FHIT: variants seen among roughly 807,000 people sequenced by gnomAD.
FHIT encodes the protein bis(5'-adenosyl)-triphosphatase.
FHIT carries 19 observed loss-of-function variants against 17.9 expected under a neutral mutation model. That is an observed-to-expected ratio of 1.06 (90% confidence interval 0.74 to 1.56). FHIT has a LOEUF of 1.56. FHIT is among the 40% of genes most tolerant of loss of function. FHIT has a pLI of 0.00. For missense variants in FHIT, 248 were observed against 189.2 expected (o/e 1.31, Z -1.82); for synonymous variants, 81 against 69.7 (o/e 1.16, Z -0.81).
intron 5 of FHIT, among the ~76,000 whole-genome samples, chr3:60,410,073 C>T (rs1031858718): frequency 2.0e-5 from 3 of 152,018 alleles, no homozygotes; most frequent in African/African-American, 7.2e-5. Flanking sequence ...CAGGATAATT[C>T]AGAATACTAA....
At chr3:59,949,785 C>A (rs1242943084) in intron 7 of FHIT, among the ~76,000 whole-genome samples, 1 of 152,234 alleles carries the variant, frequency 6.6e-6, no homozygotes, top group African/African-American at 2.4e-5. Flanking sequence ...ATTCAATACA[C>A]AGGCAATTGT....
chr3:59,840,390 C>G (rs978992226), intron 8 of FHIT, among the ~76,000 whole-genome samples: 168 of 40,446 alleles, frequency 4.2e-3, no homozygotes, highest in African/African-American at 7.5e-3. Context: ...GATTATCCCC[C>G]TTTAAAAAAA....
chr3:60,101,905 C>G (rs1704206061), intron 5 of FHIT, among the ~76,000 whole-genome samples: 1 of 152,132 alleles, frequency 6.6e-6, no homozygotes, highest in African/African-American at 2.4e-5. Context: ...AATTTTATAC[C>G]AGCTGTTGCC....
At chr3:59,932,631 C>G (rs1706029623) in intron 7 of FHIT, among the ~76,000 whole-genome samples, 1 of 152,112 alleles carries the variant, frequency 6.6e-6, no homozygotes, top group Admixed American at 6.6e-5. Flanking sequence ...AAAGTAATCA[C>G]AATCAATTAA....
intron 4 of FHIT, among the ~76,000 whole-genome samples, chr3:60,780,328 G>A (rs1179494306): frequency 2.0e-5 from 3 of 152,118 alleles, no homozygotes; most frequent in Admixed American, 6.5e-5. Context: ...ACTAGAAAGA[G>A]TTGGTTTCCC....
chr3:60,957,233 CTTT>C (rs35221092), intron 3 of FHIT, among the ~76,000 whole-genome samples: 28 of 97,142 alleles, frequency 2.9e-4, no homozygotes, highest in African/African-American at 9.5e-4. Context: ...TTCTTTCTTT[CTTT>C]TTTTTTTTTT....
chr3:61,209,631 C>T (rs2039386999), intron 1 of FHIT, among the ~76,000 whole-genome samples: 2 of 152,158 alleles, frequency 1.3e-5, no homozygotes, highest in African/African-American at 2.4e-5. Flanking sequence ...GCGTTCGTCA[C>T]GTGGTTCTCG....
chr3:60,273,333 G>T (rs563741735), intron 5 of FHIT, among the ~76,000 whole-genome samples: 31 of 152,174 alleles, frequency 2.0e-4, no homozygotes, highest in Non-Finnish European at 2.8e-4. Context: ...CCTCAGCCAG[G>T]CATGGTGGCT....
chr3:60,380,565 C>T (rs1387166673), intron 5 of FHIT, among the ~76,000 whole-genome samples: 1 of 151,998 alleles, frequency 6.6e-6, no homozygotes, highest in Non-Finnish European at 1.5e-5. Context: ...GGTTGTACAA[C>T]CTTATGGGAA....
At chr3:60,360,488 TTGACTC>T (rs1020000188) in intron 5 of FHIT, among the ~76,000 whole-genome samples, 2 of 152,164 alleles carry the variant, frequency 1.3e-5, no homozygotes, top group African/African-American at 4.8e-5. Flanking sequence ...ATGCAAGTCT[TTGACTC>T]TGAGAGCCCT....
intron 8 of FHIT, among the ~76,000 whole-genome samples, chr3:59,884,338 G>C (rs112102930): frequency 0.015 from 2,325 of 152,070 alleles, 26 homozygotes; most frequent in Admixed American, 0.026. Flanking sequence ...AGGGTATGTG[G>C]ATATATGTTT....
chr3:60,438,836 G>T (rs532822085), intron 5 of FHIT, among the ~76,000 whole-genome samples: 3 of 152,024 alleles, frequency 2.0e-5, no homozygotes, highest in Non-Finnish European at 2.9e-5. Context: ...CACCAAAATT[G>T]CCTAGACTAC....
intron 4 of FHIT, among the ~76,000 whole-genome samples, chr3:60,668,930 TAGCAGGAAAA>T (rs2040445636): frequency 6.6e-6 from 1 of 152,126 alleles, no homozygotes; most frequent in Non-Finnish European, 1.5e-5. Flanking sequence ...TAGTTGTTCT[TAGCAGGAAAA>T]AGCAGGGGAA....
chr3:60,141,649 T>A (rs1441507467), intron 5 of FHIT, among the ~76,000 whole-genome samples: 1 of 152,176 alleles, frequency 6.6e-6, no homozygotes, highest in Non-Finnish European at 1.5e-5. Context: ...AGAGCCAATG[T>A]TTTTAGAAAA....
intron 7 of FHIT, among the ~76,000 whole-genome samples, chr3:59,940,822 G>C (rs539327746): frequency 5.3e-5 from 8 of 152,160 alleles, no homozygotes; most frequent in Non-Finnish European, 1.2e-4. Flanking sequence ...GGCACCATTA[G>C]AAAATGCCTT....
chr3:60,396,121 G>A (rs1048198075), intron 5 of FHIT, among the ~76,000 whole-genome samples: 4 of 152,096 alleles, frequency 2.6e-5, no homozygotes, highest in African/African-American at 9.7e-5. Flanking sequence ...ATTGTCACTC[G>A]CCAGTTCAGT....
At chr3:60,150,137 C>A (rs570325679) in intron 5 of FHIT, among the ~76,000 whole-genome samples, 2 of 146,320 alleles carry the variant, frequency 1.4e-5, no homozygotes, top group East Asian at 4.1e-4. Context: ...GCTAGGATTA[C>A]AGGCATGCGC....
At chr3:60,636,158 C>T (rs901396332) in intron 4 of FHIT, among the ~76,000 whole-genome samples, 1 of 151,994 alleles carries the variant, frequency 6.6e-6, no homozygotes, top group Non-Finnish European at 1.5e-5. Context: ...GCAACCTCCA[C>T]CTCTCAGGTT....
chr3:60,291,229 T>C (rs1707970019), intron 5 of FHIT, among the ~76,000 whole-genome samples: 1 of 152,024 alleles, frequency 6.6e-6, no homozygotes, highest in Admixed American at 6.6e-5. Flanking sequence ...ACAGGGGGTT[T>C]TATAGATACC....
Sources: allele counts gnomAD v4.1 joint callset (sites outside exome capture counted in the v4.1 genomes callset), GRCh38; gene constraint gnomAD v4.1.1; transcripts MANE v1.5; gene names NCBI Gene and HGNC (gene_info 2026-07-23, HGNC 2026-07-21).